The following MOBP variants were observed in gnomAD, a reference collection of about 807,000 sequenced individuals.
MOBP encodes the protein myelin associated oligodendrocyte basic protein.
Under a neutral mutation model 15.0 loss-of-function variants are expected in MOBP, and 5 were observed. That is an observed-to-expected ratio of 0.33 (90% confidence interval 0.17 to 0.70). The LOEUF (loss-of-function observed/expected upper bound fraction) is 0.70, where lower values mean the gene tolerates loss of function less well. MOBP is among the 30% of genes least tolerant of loss of function. MOBP has a pLI of 0.67. For synonymous variants in MOBP, 88 were observed against 99.0 expected, an observed-to-expected ratio of 0.89 and a Z score of 0.66; for missense variants, 188 against 257.8, an observed-to-expected ratio of 0.73 and a Z score of 1.85.
chr3:39,496,855 G>A (rs1469834427), intron 2 of MOBP, among the ~76,000 whole-genome samples: 1 of 152,002 alleles, frequency 6.6e-6, no homozygotes, highest in Non-Finnish European at 1.5e-5. Flanking sequence ...TAGAGATGGG[G>A]TTTCTCCATG....
intron 3 of MOBP, among the ~76,000 whole-genome samples, chr3:39,522,021 A>G (rs1163294836): frequency 1.3e-5 from 2 of 152,202 alleles, no homozygotes; most frequent in African/African-American, 4.8e-5. Flanking sequence ...TAGCTCTCAC[A>G]TTCTCACCAG....
chr3:39,478,167 G>A (rs1198731743), intron 1 of MOBP, among the ~76,000 whole-genome samples: 1 of 152,000 alleles, frequency 6.6e-6, no homozygotes, highest in Admixed American at 6.5e-5. Context: ...GCAACTTTTG[G>A]GTCTGCAAGC....
At chr3:39,491,024 A>G (rs973812678) in intron 2 of MOBP, among the ~76,000 whole-genome samples, 3 of 152,212 alleles carry the variant, frequency 2.0e-5, no homozygotes, top group Admixed American at 6.5e-5. Flanking sequence ...TTGTGAATTT[A>G]TGGGGGAAAT....
At chr3:39,510,928 A>G (rs2043111825) in intron 4 of MOBP, among the ~76,000 whole-genome samples, 1 of 152,242 alleles carries the variant, frequency 6.6e-6, no homozygotes, top group Non-Finnish European at 1.5e-5. Flanking sequence ...CTAATAACAC[A>G]AGATGCTTAG....
At chr3:39,469,327 ATT>A (rs2042433511) in intron 1 of MOBP, among the ~76,000 whole-genome samples, 1 of 115,814 alleles carries the variant, frequency 8.6e-6, no homozygotes, top group Admixed American at 9.1e-5. Flanking sequence ...TATCTAATTA[ATT>A]TTAATTAAAA....
intron 2 of MOBP, among the ~76,000 whole-genome samples, chr3:39,495,785 A>G (rs1211745646): frequency 6.6e-6 from 1 of 150,854 alleles, no homozygotes; most frequent in East Asian, 1.9e-4. Context: ...AAGAGGAAAA[A>G]AAGAAATTAT....
downstream of MOBP, chr3:39,528,982 C>G (rs2043362241): frequency 6.6e-6 from 1 of 152,240 alleles, no homozygotes; most frequent in South Asian, 2.1e-4. Flanking sequence ...CAGCCTCGTT[C>G]TATGTTATTT....
At chr3:39,492,702 A>G (rs1030786030) in intron 2 of MOBP, among the ~76,000 whole-genome samples, 3 of 152,216 alleles carry the variant, frequency 2.0e-5, no homozygotes, top group African/African-American at 4.8e-5. Context: ...AATTCATATA[A>G]TAGATCTGGA....
At chr3:39,508,793 C>G (rs1336597151) in intron 4 of MOBP, among the ~76,000 whole-genome samples, 25 of 151,994 alleles carry the variant, frequency 1.6e-4, no homozygotes, top group Admixed American at 1.6e-3. Flanking sequence ...ATGATCTGCC[C>G]ACCTCGGACT....
intron 2 of MOBP, among the ~76,000 whole-genome samples, chr3:39,495,946 GAGA>G (rs1177318117): frequency 2.0e-5 from 3 of 151,638 alleles, no homozygotes; most frequent in Non-Finnish European, 2.9e-5. Flanking sequence ...ATAAACTATA[GAGA>G]AGATTATAAT....
chr3:39,484,530 C>T (rs549792914), intron 2 of MOBP, among the ~76,000 whole-genome samples: 1 of 152,104 alleles, frequency 6.6e-6, no homozygotes, highest in South Asian at 2.1e-4. Flanking sequence ...CCCGCCTGTC[C>T]CCTTGGCCTG....
intron 4 of MOBP, among the ~76,000 whole-genome samples, chr3:39,508,031 A>G (rs985035791): frequency 1.3e-5 from 2 of 152,178 alleles, no homozygotes; most frequent in Non-Finnish European, 2.9e-5. Flanking sequence ...TGGCTTCACC[A>G]TGTTTGTTTT....
At chr3:39,493,308 T>C (rs1158763831) in intron 2 of MOBP, among the ~76,000 whole-genome samples, 2 of 152,154 alleles carry the variant, frequency 1.3e-5, no homozygotes, top group Non-Finnish European at 2.9e-5. Context: ...GGACGTGTAA[T>C]GAAATGTGTA....
rs375166887 is a variant in MOBP at position 39,502,126 on chromosome 3, C to T, written c.57C>T (p.Ser19=). The T allele has an allele frequency of 3.7e-6, 6 of 1,614,078 alleles. No individual in the cohort carries two copies. The highest frequency in any genetic ancestry group is 2.7e-5 in the African/African-American group (2 of 74,922). The part of the protein sequence containing the change: ...GPRLSKNQKY[S]EHFSIHCCPP... Reference sequence around the variant, plus strand: ...GACTCTCCAAAAACCAGAAGTACTCCGAACACTTCAGCATACACTGCTGCC... The same window carrying T: ...GACTCTCCAAAAACCAGAAGTACTCTGAACACTTCAGCATACACTGCTGCC... Residue 19 remains serine, a synonymous_variant, in exon 3 of 4, where the codon TCC becomes TCT. Coordinates refer to ENST00000684792, the MANE Select transcript of MOBP (RefSeq NM_001393704.1). This position sits in a 1 kb window ranked among gnomAD's most constrained non-coding sequence, Gnocchi z 6.3.
downstream of MOBP, chr3:39,526,610 A>G (rs1340385539): frequency 1.3e-5 from 2 of 152,040 alleles, no homozygotes; most frequent in East Asian, 3.9e-4. Context: ...ATGTTAACTG[A>G]TTTTATGTTC....
At chr3:39,474,041 G>A (rs1368763520) in intron 1 of MOBP, among the ~76,000 whole-genome samples, 1 of 152,088 alleles carries the variant, frequency 6.6e-6, no homozygotes, top group Non-Finnish European at 1.5e-5. Context: ...AATTGAATAT[G>A]GTTGAAACAC....
intron 2 of MOBP, among the ~76,000 whole-genome samples, chr3:39,484,176 G>A (rs938028475): frequency 4.6e-5 from 7 of 152,198 alleles, no homozygotes; most frequent in Non-Finnish European, 1.0e-4. Context: ...TAAGACCTCA[G>A]CTGGGTTGTT....
intron 2 of MOBP, among the ~76,000 whole-genome samples, chr3:39,490,829 C>T (rs960967334): frequency 1.3e-5 from 2 of 152,154 alleles, no homozygotes; most frequent in African/African-American, 2.4e-5. Flanking sequence ...TTCCAAAGTG[C>T]TGGGATTACA....
chr3:39,516,959 G>T (rs1014758831), downstream of MOBP, among the ~76,000 whole-genome samples: 1 of 152,190 alleles, frequency 6.6e-6, no homozygotes, highest in Non-Finnish European at 1.5e-5. Context: ...GCTTACACCA[G>T]AGAACGTGGA....
Sources: allele counts gnomAD v4.1 joint callset (sites outside exome capture counted in the v4.1 genomes callset), GRCh38; gene constraint gnomAD v4.1.1; non-coding constraint Gnocchi (gnomAD v3.1); transcripts MANE v1.5; gene names NCBI Gene and HGNC (gene_info 2026-07-23, HGNC 2026-07-21).